The following C4orf50 variants were observed in gnomAD, a reference collection of about 807,000 sequenced individuals.
C4orf50 encodes the protein chromosome 4 open reading frame 50.
In C4orf50, 80 loss-of-function variants were observed where a neutral mutation model predicts 77.2. That is an observed-to-expected ratio of 1.04 (90% CI 0.87 to 1.25). The LOEUF (loss-of-function observed/expected upper bound fraction) is 1.25. C4orf50 is among the 50% of genes most tolerant of loss of function. The probability of loss-of-function intolerance (pLI) is 0.00; values close to 1 mark genes in which losing one functional copy is unlikely to be tolerated. For missense variants in C4orf50, 1,257 were observed against 1,152.9 expected (o/e 1.09, Z -1.31); for synonymous variants, 532 against 465.3 (o/e 1.14, Z -1.84).
At chr4:5,999,794 G>T (rs1721751021) in intron 25 of C4orf50, among the ~76,000 whole-genome samples, 2 of 152,158 alleles carry the variant, frequency 1.3e-5, no homozygotes, top group Admixed American at 1.3e-4. Context: ...TGAGATCAGG[G>T]AAGTCTTCCA....
At chr4:6,005,168 G>T (rs1473487962) in intron 25 of C4orf50, among the ~76,000 whole-genome samples, 3 of 152,142 alleles carry the variant, frequency 2.0e-5, no homozygotes, top group Admixed American at 6.5e-5. Context: ...AATGTTGAAG[G>T]CTCAGCATTC....
chr4:6,016,908 A>C (rs1295672421), intron 23 of C4orf50, among the ~76,000 whole-genome samples: 1 of 152,210 alleles, frequency 6.6e-6, no homozygotes, highest in Non-Finnish European at 1.5e-5. Flanking sequence ...TCCCGCAAAA[A>C]TCCAAGGCAC....
At chr4:5,990,273 C>A in exon 28 of C4orf50, 1 of 1,211,516 alleles carries the variant, frequency 8.3e-7, no homozygotes, top group Non-Finnish European at 1.0e-6. Context: ...CCCCATTCTC[C>A]AAGCTCAGGT....
chr4:6,003,913 ATGATGGTGG>A (rs1722001769), intron 25 of C4orf50, among the ~76,000 whole-genome samples: 1 of 63,560 alleles, frequency 1.6e-5, no homozygotes. Context: ...GGTGATGTTG[ATGATGGTGG>A]TGATGGTGAT....
intron 25 of C4orf50, among the ~76,000 whole-genome samples, chr4:6,006,048 C>T (rs1441257526): frequency 1.3e-5 from 2 of 151,858 alleles, no homozygotes; most frequent in African/African-American, 4.8e-5. Context: ...AACAAGTTGC[C>T]AATGTTATAC....
At chr4:5,972,249 C>A (rs570911310) in intron 31 of C4orf50, among the ~76,000 whole-genome samples, 1 of 152,080 alleles carries the variant, frequency 6.6e-6, no homozygotes, top group South Asian at 2.1e-4. Flanking sequence ...GTGATCTGTC[C>A]GCCCCGGCCT....
At chr4:5,976,256 T>C (rs1720274631) in intron 29 of C4orf50, among the ~76,000 whole-genome samples, 1 of 150,078 alleles carries the variant, frequency 6.7e-6, no homozygotes, top group South Asian at 2.1e-4. Flanking sequence ...CCATCCTGGC[T>C]AACACAGTGA....
At chr4:5,918,015 C>A (rs2108735451) in intron 7 of C4orf50, among the ~76,000 whole-genome samples, 1 of 152,184 alleles carries the variant, frequency 6.6e-6, no homozygotes, top group South Asian at 2.1e-4. Context: ...ATTCTAGGGC[C>A]CCGAGGGTGA....
At chr4:5,959,759 C>T in intron 33 of C4orf50, 133 bp from the exon 12 acceptor site, 1 of 1,038,056 alleles carries the variant, frequency 9.6e-7, no homozygotes, top group South Asian at 1.7e-5. Flanking sequence ...TGCCTGGCAC[C>T]AAATACTCCT....
chr4:5,966,044 CG>C (rs1297462854), intron 32 of C4orf50, among the ~76,000 whole-genome samples: 3 of 152,238 alleles, frequency 2.0e-5, no homozygotes, highest in African/African-American at 7.2e-5. Context: ...CCCGCCCCCA[CG>C]CTGAGGGTAG....
At chr4:5,955,791 G>C (rs1046445947), downstream of C4orf50, among the ~76,000 whole-genome samples, 13 of 152,134 alleles carry the variant, frequency 8.5e-5, no homozygotes, top group African/African-American at 2.9e-4. This position sits in a 1 kb window ranked among gnomAD's most constrained non-coding sequence, Gnocchi z 5.1. Flanking sequence ...ACGCCTGCTT[G>C]CTAACTCCCA....
In C4orf50 at chr4:6,005,116, T is replaced by C. The variant is rs143909227; in HGVS notation, c.963+2880A>G. ...GAATCCTCCATCATCTCCACTTGCA[T>C]TCCTGCCTGCAACTCTGAGTATGAG... On this transcript the variant is annotated intron_variant, in intron 25 of 33. Transcript: ENST00000531445. Among the ~76,000 whole-genome samples the C allele has an allele frequency of 5.9e-5, 9 of 152,286 alleles. No homozygotes were observed. The East Asian group carries it at 1.7e-3, about 29-fold the overall frequency.
At chr4:6,005,277 A>G (rs73795161) in intron 25 of C4orf50, among the ~76,000 whole-genome samples, 2 of 152,082 alleles carry the variant, frequency 1.3e-5, no homozygotes, top group African/African-American at 4.8e-5. Context: ...TTGATGGGCA[A>G]TTTAGGGAGC....
At position 6,007,158 on chromosome 4, in the gene C4orf50, A is replaced by G. The variant is rs1323984553; in HGVS notation, c.963+838T>C. Among the ~76,000 whole-genome samples, 2 of 152,194 alleles carry G rather than the reference A, an allele frequency of 1.3e-5. No homozygotes were observed. The highest frequency in any genetic ancestry group is 6.5e-5 in the Admixed American group (1 of 15,290). The stretch of plus-strand genomic sequence containing the variant: ...CTGCCTGACCAGTGGCCAGAGGGGT[A>G]GATAGATGAACACATGGTGTGGTGA... On this transcript the variant is annotated intron_variant, in intron 25 of 33. Coordinates refer to ENST00000531445, the Ensembl canonical transcript of C4orf50. This position sits in a 1 kb window ranked among gnomAD's most constrained non-coding sequence, Gnocchi z 4.1.
chr4:5,987,776 T>C (rs1415482490), intron 28 of C4orf50, among the ~76,000 whole-genome samples: 1 of 152,134 alleles, frequency 6.6e-6, no homozygotes, highest in South Asian at 2.1e-4. Context: ...AAGGCCACCG[T>C]AGGAACATTA....
rs534609253 is a variant in C4orf50 at position 6,015,350 on chromosome 4, G to A, written c.287+2795C>T. On this transcript the variant is annotated intron_variant, in intron 23 of 33. Coordinates refer to ENST00000531445, the Ensembl canonical transcript of C4orf50. The surrounding 1 kb of genome is among the most constrained non-coding windows in gnomAD (Gnocchi z 4.4). Reference sequence around the variant, plus strand: ...ACACACAGAGGGATGACCATGTGACGACACAGGGAGAAGGTGGAGTCCACA... The same window carrying A: ...ACACACAGAGGGATGACCATGTGACAACACAGGGAGAAGGTGGAGTCCACA... Among the ~76,000 whole-genome samples the A allele has an allele frequency of 2.3e-4, 35 of 152,262 alleles. No individual in the cohort carries two copies. In the East Asian group the frequency reaches 6.0e-3, roughly 26 times the overall value.
At chr4:5,925,975 G>A (rs1717494617) in intron 7 of C4orf50, among the ~76,000 whole-genome samples, 1 of 152,210 alleles carries the variant, frequency 6.6e-6, no homozygotes, top group African/African-American at 2.4e-5. Flanking sequence ...AGGCAGAGAG[G>A]GGTTCCTGTG....
intron 7 of C4orf50, among the ~76,000 whole-genome samples, chr4:5,925,336 A>G (rs1015129462): frequency 6.6e-6 from 1 of 152,078 alleles, no homozygotes; most frequent in Non-Finnish European, 1.5e-5. Context: ...TGGATCCCCA[A>G]CTCTCTTCGC....
At chr4:5,996,091 C>A (rs982983927) in intron 25 of C4orf50, among the ~76,000 whole-genome samples, 11 of 152,234 alleles carry the variant, frequency 7.2e-5, no homozygotes, top group Non-Finnish European at 1.6e-4. Flanking sequence ...TATGGGCTGT[C>A]ATTGCTGCCT....
Sources: allele counts gnomAD v4.1 joint callset (sites outside exome capture counted in the v4.1 genomes callset), GRCh38; gene constraint gnomAD v4.1.1; non-coding constraint Gnocchi (gnomAD v3.1); transcripts MANE v1.5; gene names NCBI Gene and HGNC (gene_info 2026-07-23, HGNC 2026-07-21).